UGT2B11: variants seen among roughly 807,000 people sequenced by gnomAD.
UGT2B11 encodes the protein UDP glucuronosyltransferase family 2 member B11, also known as UDP-glucuronosyltransferase 2B11.
In UGT2B11, 49 loss-of-function variants were observed where a neutral mutation model predicts 51.7. The observed-to-expected ratio is 0.95, with a 90% CI of 0.75 to 1.20. UGT2B11 has a LOEUF of 1.20. UGT2B11 is among the 50% of genes most tolerant of loss of function. The probability of loss-of-function intolerance (pLI) is 0.00; values close to 1 mark genes in which losing one functional copy is unlikely to be tolerated. For missense variants in UGT2B11, 810 were observed against 622.1 expected, an observed-to-expected ratio of 1.30 and a Z score of -3.21; for synonymous variants, 273 against 209.0, an observed-to-expected ratio of 1.31 and a Z score of -2.64.
chr4:69,207,481 T>C (rs1560538155), intron 3 of UGT2B11, among the ~76,000 whole-genome samples: 1 of 151,796 alleles, frequency 6.6e-6, no homozygotes, highest in South Asian at 2.1e-4. Context: ...CTATGTTCTA[T>C]GGAGGGGACA....
chr4:69,210,953 T>G (rs1722037808), intron 2 of UGT2B11: 1 of 151,676 alleles, frequency 6.6e-6, no homozygotes, highest in East Asian at 1.9e-4. Context: ...TCTTATATGC[T>G]GACAGAAGTT....
At chr4:69,209,269 A>G (rs992343207) in intron 2 of UGT2B11, among the ~76,000 whole-genome samples, 1 of 151,606 alleles carries the variant, frequency 6.6e-6, no homozygotes, top group Non-Finnish European at 1.5e-5. Flanking sequence ...CTGAAATCAC[A>G]CTGTTAAATT....
At chr4:69,202,812 T>C (rs2109939817) in intron 5 of UGT2B11, among the ~76,000 whole-genome samples, 1 of 151,812 alleles carries the variant, frequency 6.6e-6, no homozygotes, top group South Asian at 2.1e-4. Flanking sequence ...TTTCAATTAT[T>C]TCCCATCTTC....
At chr4:69,224,002 C>A in the UGT2B11 span, among the ~76,000 whole-genome samples, 933 of 152,262 alleles carry the variant, frequency 6.1e-3, 8 homozygotes, top group African/African-American at 0.021. Flanking sequence ...ACAGACCTAT[C>A]TTTAAATTGT....
chr4:69,202,225 T>A (rs1284231796), intron 5 of UGT2B11, among the ~76,000 whole-genome samples: 1 of 151,764 alleles, frequency 6.6e-6, no homozygotes, highest in Admixed American at 6.6e-5. Context: ...TGTTGATAAT[T>A]CTGTCACGAA....
intron 2 of UGT2B11, among the ~76,000 whole-genome samples, chr4:69,210,433 G>T (rs1277854370): frequency 6.6e-6 from 1 of 151,412 alleles, no homozygotes; most frequent in Non-Finnish European, 1.5e-5. Flanking sequence ...ATATATAATT[G>T]AAAAGAATGC....
chr4:69,218,623 T>C (rs974350231), upstream of UGT2B11, among the ~76,000 whole-genome samples: 1 of 151,822 alleles, frequency 6.6e-6, no homozygotes, highest in South Asian at 2.1e-4. Flanking sequence ...TGTTCCCAGA[T>C]AAAGGGGCCT....
the UGT2B11 span, among the ~76,000 whole-genome samples, chr4:69,220,224 T>A: frequency 6.7e-6 from 1 of 150,092 alleles, no homozygotes. Context: ...CAGGTCACAC[T>A]GATATAAGCG....
chr4:69,223,536 A>G, the UGT2B11 span, among the ~76,000 whole-genome samples: 1 of 152,176 alleles, frequency 6.6e-6, no homozygotes, highest in African/African-American at 2.4e-5. Context: ...CCTTCTGCCA[A>G]TGCATCCTAC....
At chr4:69,220,079 C>T in the UGT2B11 span, among the ~76,000 whole-genome samples, 3 of 152,138 alleles carry the variant, frequency 2.0e-5, no homozygotes, top group Non-Finnish European at 4.4e-5. Context: ...GATAAATACA[C>T]TCCTTCTAAA....
chr4:69,222,663 A>G, the UGT2B11 span, among the ~76,000 whole-genome samples: 14 of 152,342 alleles, frequency 9.2e-5, 1 homozygote, highest in African/African-American at 3.4e-4. Flanking sequence ...GAAGCAACTG[A>G]TAACTGTCCA....
intron 1 of UGT2B11, among the ~76,000 whole-genome samples, chr4:69,213,238 T>G (rs1365348440): frequency 8.6e-5 from 13 of 151,728 alleles, no homozygotes; most frequent in African/African-American, 3.1e-4. Context: ...AGCTAAGATC[T>G]TAATAATATT....
chr4:69,220,913 G>T, the UGT2B11 span, among the ~76,000 whole-genome samples: 1 of 152,158 alleles, frequency 6.6e-6, no homozygotes, highest in African/African-American at 2.4e-5. Flanking sequence ...TCACTAGAGA[G>T]TCGGTAGCTA....
At chr4:69,224,181 A>G in the UGT2B11 span, among the ~76,000 whole-genome samples, 3 of 152,154 alleles carry the variant, frequency 2.0e-5, no homozygotes, top group African/African-American at 7.2e-5. Flanking sequence ...CCTAGTGGGA[A>G]TAACCTTGCT....
upstream of UGT2B11, among the ~76,000 whole-genome samples, chr4:69,219,156 A>C (rs1722346537): frequency 6.6e-6 from 1 of 152,098 alleles, no homozygotes; most frequent in South Asian, 2.1e-4. Flanking sequence ...TGGTATGAAA[A>C]AAAAAACCTG....
Position 69,208,361 on chromosome 4 carries a change from A to T in UGT2B11, c.992T>A (p.Ile331Asn). The T allele has an allele frequency of 6.2e-7, 1 of 1,610,914 alleles. No individual in the cohort carries two copies. Among genetic ancestry groups the T allele is most frequent in the Non-Finnish European group, 8.5e-7 (1 of 1,178,000 alleles). The part of the protein sequence containing the change: ...ANVIATALAK[I>N]PQKVLWRFDG... ...GGCCCTTTATCTTACCTTTTGTGGG[A>T]TCTTGGCAAGGGCTGTTGCAATTAC... Residue 331 changes from isoleucine to asparagine, a missense_variant, in exon 3 of 6, where the codon ATC becomes AAC. Physicochemically the swap from Ile to Asn is moderately radical, Grantham distance 149. Coordinates refer to ENST00000446444, the MANE Select transcript of UGT2B11 (RefSeq NM_001073.3).
At position 69,206,639 on chromosome 4, in the gene UGT2B11, G is replaced by A. The variant is rs554447688; in HGVS notation, c.1003-1072C>T. ...CTGAACTTAAAAGTTAAAAATAAAA[G>A]TTAAATTAATTTAATTTAAAAAATA... is the stretch of plus-strand genomic sequence containing the variant. On this transcript the variant is annotated intron_variant, in intron 3 of 5. Coordinates refer to ENST00000446444, the MANE Select transcript of UGT2B11 (RefSeq NM_001073.3). Among the ~76,000 whole-genome samples the A allele has an allele frequency of 3.4e-4, 51 of 151,124 alleles. 1 individual carries two copies. The highest frequency in any genetic ancestry group is 3.1e-3 in the Admixed American group (47 of 15,144).
intron 5 of UGT2B11, among the ~76,000 whole-genome samples, chr4:69,202,790 G>A (rs77353975): frequency 6.6e-6 from 1 of 151,516 alleles, no homozygotes. Flanking sequence ...GTCCAAGGTG[G>A]TTTGTGTTTC....
chr4:69,204,433 G>A lies in UGT2B11; in HGVS notation c.1307C>T (p.Pro436Leu). ...TGAAAAACATTGTTCTACTCACAAA[G>A]GATCATTAATTACTGTCTTCAGTGC... The part of the protein sequence containing the change: ...LNALKTVIND[P>L]LYKENIMKLS... The change falls in exon 5 of 6, where the codon CCT becomes CTT. Residue 436 changes from proline to leucine, a missense_variant. Pro to Leu is a moderately conservative substitution (Grantham distance 98, BLOSUM62 -3). Coordinates refer to ENST00000446444, the MANE Select transcript of UGT2B11 (RefSeq NM_001073.3). The A allele has an allele frequency of 6.2e-7, 1 of 1,611,630 alleles. No individual in the cohort carries two copies. The highest frequency in any genetic ancestry group is 8.5e-7 in the Non-Finnish European group (1 of 1,178,430).
Sources: allele counts gnomAD v4.1 joint callset (sites outside exome capture counted in the v4.1 genomes callset), GRCh38; gene constraint gnomAD v4.1.1; transcripts MANE v1.5; gene names NCBI Gene and HGNC (gene_info 2026-07-23, HGNC 2026-07-21).